The following IL4R variants were observed in gnomAD, a reference collection of about 807,000 sequenced individuals.
The protein encoded by IL4R is interleukin-4 receptor subunit alpha.
IL4R carries 17 observed loss-of-function variants against 41.5 expected under a neutral mutation model. That is an observed-to-expected ratio of 0.41 (90% confidence interval 0.28 to 0.61). The LOEUF (loss-of-function observed/expected upper bound fraction) is 0.61, where lower values mean the gene tolerates loss of function less well. Ranked by LOEUF, IL4R falls within the 20% of genes least tolerant of loss-of-function variation. IL4R has a pLI of 0.31. For synonymous variants in IL4R, 402 were observed against 422.9 expected (o/e 0.95, Z 0.61); for missense variants, 974 against 1,043.1 (o/e 0.93, Z 0.91).
intron 1 of IL4R, among the ~76,000 whole-genome samples, chr16:27,326,272 A>G (rs750583568): frequency 2.6e-5 from 4 of 152,190 alleles, no homozygotes; most frequent in Non-Finnish European, 5.9e-5. Flanking sequence ...GAAAGGAATG[A>G]ATGAATGAAT....
intron 7 of IL4R, chr16:27,355,582 G>A: frequency 2.0e-6 from 1 of 499,356 alleles, no homozygotes; most frequent in South Asian, 2.2e-5. Flanking sequence ...AGATCTGGAG[G>A]TGGCACTGAG....
At chr16:27,318,309 G>A (rs570410428) in intron 1 of IL4R, among the ~76,000 whole-genome samples, 5 of 150,478 alleles carry the variant, frequency 3.3e-5, no homozygotes, top group Admixed American at 1.3e-4. Context: ...TCTGAACTAT[G>A]TCTGGCCCCC....
intron 1 of IL4R, chr16:27,318,707 G>C (rs2084719598): frequency 6.6e-6 from 1 of 152,258 alleles, no homozygotes; most frequent in Admixed American, 6.5e-5. Flanking sequence ...GCCAGCCTGG[G>C]TGCTGTAACC....
chr16:27,359,120 A>C, intron 9 of IL4R, 126 bp downstream of exon 9: 1 of 729,010 alleles, frequency 1.4e-6, no homozygotes, highest in South Asian at 1.5e-5. Flanking sequence ...GGAGGGTTGC[A>C]GGGGAGACAG....
intron 1 of IL4R, among the ~76,000 whole-genome samples, chr16:27,327,939 C>T (rs1567308696): frequency 1.3e-5 from 2 of 151,954 alleles, no homozygotes; most frequent in African/African-American, 2.4e-5. Flanking sequence ...AGGCCAGGTG[C>T]GGTAGCTCAT....
Position 27,362,518 on chromosome 16 carries a change from A to C in IL4R, c.1166A>C (p.Glu389Ala). ...EEKGSFCASP[E>A]SSRDDFQEGR... The stretch of plus-strand genomic sequence containing the variant: ...AAAGGGAGCTTCTGTGCATCGCCTG[A>C]GAGCAGCAGGGATGACTTCCAGGAG... Residue 389 changes from glutamate (E) to alanine (A), a missense_variant, in exon 11 of 11, where the codon GAG (glutamate) becomes GCG (alanine). By Grantham distance (107) the Glu-to-Ala change is moderately radical. Around this residue, in one of 3 missense-constraint regions of IL4R, gnomAD observed 682 missense variants for 704.3 expected, o/e 0.97. Coordinates refer to ENST00000395762, the MANE Select transcript of IL4R (RefSeq NM_000418.4). 1 of 1,614,180 alleles carries C rather than the reference A, an allele frequency of 6.2e-7. No homozygotes were observed. Among genetic ancestry groups the C allele is most frequent in the Non-Finnish European group, 8.5e-7 (1 of 1,180,034 alleles).
intron 1 of IL4R, among the ~76,000 whole-genome samples, chr16:27,322,867 G>A (rs1567305248): frequency 6.6e-6 from 1 of 152,178 alleles, no homozygotes; most frequent in East Asian, 1.9e-4. Flanking sequence ...TGAAGCAAGT[G>A]ATCTTATTCT....
chr16:27,324,359 G>A (rs1043349677), intron 1 of IL4R, among the ~76,000 whole-genome samples: 2 of 152,182 alleles, frequency 1.3e-5, no homozygotes, highest in South Asian at 2.1e-4. Flanking sequence ...AGGGAGAGGT[G>A]GAAAATTGGG....
chr16:27,331,815 A>G (rs1186587720), intron 2 of IL4R, among the ~76,000 whole-genome samples: 1 of 151,952 alleles, frequency 6.6e-6, no homozygotes, highest in African/African-American at 2.4e-5. Flanking sequence ...ATTCAGAATA[A>G]TCACACAGAT....
chr16:27,339,939 C>T (rs1374115517), intron 2 of IL4R, among the ~76,000 whole-genome samples: 1 of 152,172 alleles, frequency 6.6e-6, no homozygotes, highest in Non-Finnish European at 1.5e-5. Flanking sequence ...CACCTGTAAT[C>T]CCAGCTACTC....
At chr16:27,337,054 G>A (rs566700783) in intron 2 of IL4R, among the ~76,000 whole-genome samples, 2 of 152,138 alleles carry the variant, frequency 1.3e-5, no homozygotes, top group Non-Finnish European at 2.9e-5. Flanking sequence ...TCCAGCCTGG[G>A]CAACAAGAGT....
intron 1 of IL4R, among the ~76,000 whole-genome samples, chr16:27,329,676 C>CAA (rs11327523): frequency 0.023 from 2,693 of 118,066 alleles, 96 homozygotes; most frequent in African/African-American, 0.075. Flanking sequence ...ACCTCCGTCT[C>CAA]AAAAAAAAAA....
rs368729131 is a variant in IL4R at position 27,339,043 on chromosome 16, C to T, written c.-18-1143C>T. On this transcript the variant is annotated intron_variant, in intron 2 of 10. Transcript: ENST00000395762. ...CTAGTTTTTGTATTTTTAGTACAGACGGGGTTTCTCCATGTTGGCCAGGCT... is the reference window on the plus strand; with the variant it reads ...CTAGTTTTTGTATTTTTAGTACAGATGGGGTTTCTCCATGTTGGCCAGGCT... Among the ~76,000 whole-genome samples, 338 of 152,090 alleles carry T rather than the reference C, an allele frequency of 2.2e-3. 2 individuals carry two copies. Among genetic ancestry groups the T allele is most frequent in the African/African-American group, 7.8e-3 (322 of 41,510 alleles).
At chr16:27,360,724 C>T in intron 9 of IL4R, 42 bp from the exon 10 acceptor site, 1 of 1,613,782 alleles carries the variant, frequency 6.2e-7, no homozygotes, top group East Asian at 2.2e-5. Flanking sequence ...GGCCGGGCTG[C>T]AAGGCCACTC....
In IL4R at chr16:27,364,097, A is replaced by C; in HGVS notation, c.*267A>C. On this transcript the variant is annotated 3_prime_UTR_variant, in exon 11 of 11. Transcript: ENST00000395762. ...CCCCACGGCAGGCCCCTGCAGGAAA[A>C]CTGAGGCCCTTGGGCACCTCGACTT... 2.3e-6 allele frequency: 1 copy of C among 431,702 alleles called. No individual in the cohort carries two copies. The highest frequency in any genetic ancestry group is 4.4e-5 in the South Asian group (1 of 22,740). The allele number at this position is 431,702 out of a possible 1,614,324, so 26.7% of individuals were successfully genotyped here. A position where few individuals can be genotyped will look rare whatever the true frequency, so the allele number is the denominator to read the frequency against.
intron 4 of IL4R, 67 bp from the exon 5 acceptor site, chr16:27,344,802 C>A: frequency 2.6e-6 from 4 of 1,519,920 alleles, no homozygotes; most frequent in Non-Finnish European, 3.6e-6. Context: ...GAGGCATGTC[C>A]CGGACACAGC....
chr16:27,346,737 A>G, intron 6 of IL4R, 119 bp downstream of exon 6: 1 of 1,104,982 alleles, frequency 9.0e-7, no homozygotes, highest in East Asian at 2.4e-5. Context: ...TGGATAGCAA[A>G]TCCCAGGAGC....
chr16:27,341,588 T>G (rs1596812711), intron 3 of IL4R, among the ~76,000 whole-genome samples: 1 of 152,140 alleles, frequency 6.6e-6, no homozygotes, highest in African/African-American at 2.4e-5. Flanking sequence ...AGGACCCCGA[T>G]GTCTCCTCCA....
At chr16:27,322,286 ATTG>A (rs1420143498) in intron 1 of IL4R, among the ~76,000 whole-genome samples, 1 of 152,038 alleles carries the variant, frequency 6.6e-6, no homozygotes, top group African/African-American at 2.4e-5. Context: ...TTTTTGGTGA[ATTG>A]TTGCATTTTC....
Sources: gnomAD v4.1 joint callset for allele counts (sites outside exome capture counted in the v4.1 genomes callset) on GRCh38, gnomAD v4.1.1 for gene constraint, gnomAD v4.1.1 regional missense constraint, MANE v1.5 for transcripts, NCBI Gene and HGNC (gene_info 2026-07-23, HGNC 2026-07-21) for gene names.